The following COL4A6 variants were observed in gnomAD, a reference collection of about 807,000 sequenced individuals.
COL4A6 encodes collagen alpha-6(IV) chain.
COL4A6 carries 59 observed loss-of-function variants against 126.7 expected under a neutral mutation model. The observed-to-expected ratio is 0.47, with a 90% CI of 0.38 to 0.58. The LOEUF (loss-of-function observed/expected upper bound fraction) is 0.58, where lower values mean the gene tolerates loss of function less well. Ranked by LOEUF, COL4A6 falls within the 20% of genes least tolerant of loss-of-function variation. The pLI, the probability that COL4A6 is intolerant of heterozygous loss-of-function variation, is 0.00. For synonymous variants in COL4A6, 547 were observed against 496.6 expected, an observed-to-expected ratio of 1.10 and a Z score of -1.35; for missense variants, 1,285 against 1,337.3, an observed-to-expected ratio of 0.96 and a Z score of 0.61.
intron 3 of COL4A6, among the ~76,000 whole-genome samples, chrX:108,231,591 C>T (rs1411644933): frequency 9.0e-6 from 1 of 111,582 alleles, no homozygotes; most frequent in African/African-American, 3.3e-5. Context: ...AGGAACTTGC[C>T]TGAGATCACA....
chrX:108,240,153 G>T (rs1014922202), intron 3 of COL4A6, among the ~76,000 whole-genome samples: 1 of 111,502 alleles, frequency 9.0e-6, no homozygotes, highest in Non-Finnish European at 1.9e-5. Flanking sequence ...TGAGGCAAGA[G>T]AATCATTTGA....
intron 3 of COL4A6, among the ~76,000 whole-genome samples, chrX:108,292,993 C>CAAAAAAAAA (rs149076547): frequency 2.1e-4 from 3 of 14,553 alleles, no homozygotes; most frequent in South Asian, 0.02. Flanking sequence ...AGGAAAAAAG[C>CAAAAAAAAA]AAAAAAAAAA....
At chrX:108,159,351 T>C (rs1171285889) in intron 44 of COL4A6, 111 bp downstream of exon 44, 9 of 897,986 alleles carry the variant, frequency 1.0e-5, no homozygotes, top group Non-Finnish European at 3.1e-6. Context: ...AGTCCAAGCA[T>C]TTCTCTTCTT....
At chrX:108,394,444 GA>G (rs892474491) in intron 2 of COL4A6, among the ~76,000 whole-genome samples, 5 of 108,318 alleles carry the variant, frequency 4.6e-5, no homozygotes, top group African/African-American at 1.3e-4. Context: ...AAAAGAAAAA[GA>G]AAAAAAAAGT....
chrX:108,278,795 C>T (rs1229728550), intron 3 of COL4A6, among the ~76,000 whole-genome samples: 3 of 110,169 alleles, frequency 2.7e-5, no homozygotes, highest in African/African-American at 6.6e-5. Flanking sequence ...GCGGATCTCT[C>T]GGCAGAAACT....
intron 41 of COL4A6, among the ~76,000 whole-genome samples, chrX:108,162,147 C>T (rs959069739): frequency 9.0e-6 from 1 of 111,581 alleles, no homozygotes; most frequent in Non-Finnish European, 1.9e-5. Context: ...GTCAGGAGTT[C>T]GAGACCAGCC....
intron 2 of COL4A6, among the ~76,000 whole-genome samples, chrX:108,328,225 T>C (rs905969000): frequency 4.5e-5 from 5 of 111,168 alleles, no homozygotes; most frequent in African/African-American, 9.8e-5. Flanking sequence ...AGTGAAGTAA[T>C]AGATTGAGGT....
At chrX:108,436,194 A>C (rs1264306545) in intron 2 of COL4A6, among the ~76,000 whole-genome samples, 2 of 112,503 alleles carry the variant, frequency 1.8e-5, no homozygotes, top group Non-Finnish European at 3.8e-5. Flanking sequence ...TAAATAAGTC[A>C]AAAAATAAAG....
At chrX:108,277,271 G>A (rs942395510) in intron 3 of COL4A6, among the ~76,000 whole-genome samples, 1 of 111,721 alleles carries the variant, frequency 9.0e-6, no homozygotes, top group African/African-American at 3.3e-5. Context: ...CTGGAAAATC[G>A]GGTCACTCCC....
intron 3 of COL4A6, among the ~76,000 whole-genome samples, chrX:108,309,772 A>G (rs1483571503): frequency 3.9e-5 from 4 of 103,220 alleles, no homozygotes; most frequent in African/African-American, 1.4e-4. Flanking sequence ...GGAAGTTCTG[A>G]ACTCTGTAGG....
At chrX:108,300,606 A>G (rs1320557752) in intron 3 of COL4A6, among the ~76,000 whole-genome samples, 1 of 110,803 alleles carries the variant, frequency 9.0e-6, no homozygotes, top group Admixed American at 9.7e-5. Flanking sequence ...TTTTGTCATA[A>G]TATTTTTAAA....
intron 44 of COL4A6, among the ~76,000 whole-genome samples, chrX:108,158,665 C>T (rs996492207): frequency 4.5e-5 from 5 of 111,855 alleles, no homozygotes; most frequent in Non-Finnish European, 9.4e-5. Context: ...CAGGTAGGTA[C>T]GCTAATGTTG....
At position 108,156,009 on chromosome X, in the gene COL4A6, C is replaced by T. The variant is rs1030186794; in HGVS notation, c.*991G>A. The T allele has an allele frequency of 8.9e-6, 1 of 112,193 alleles. No homozygotes were observed. The highest frequency in any genetic ancestry group is 1.9e-5 in the Non-Finnish European group (1 of 53,296). 9.2% of individuals were successfully genotyped at this position (112,193 alleles called of 1,213,427 possible). ...CAATTGGATAACCATTTAACAAAGT[C>T]TTTAACATCCTCAGAATACAAGGAA... On this transcript the variant is annotated 3_prime_UTR_variant, in exon 45 of 45. Transcript: ENST00000334504.
chrX:108,225,306 C>T (rs1001033095), intron 3 of COL4A6, among the ~76,000 whole-genome samples: 1 of 112,503 alleles, frequency 8.9e-6, no homozygotes, highest in Non-Finnish European at 1.9e-5. Context: ...CTGATCATTT[C>T]ACAGAACCAA....
Position 108,341,747 on chromosome X carries a change from T to C in COL4A6, c.64-30919A>G, listed in dbSNP as rs759733084. On this transcript the variant is annotated intron_variant, in intron 2 of 44. Transcript: ENST00000334504. The stretch of plus-strand genomic sequence containing the variant: ...TTCCATCTGAAAAAATGGCAGTGAC[T>C]CTTGGGTCAGAAATGCATTTCCCTC... 1.4e-4 allele frequency among the ~76,000 whole-genome samples: 16 copies of C among 111,703 alleles called. No individual in the cohort carries two copies. In the East Asian group the frequency reaches 4.5e-3, roughly 32 times the overall value.
intron 2 of COL4A6, among the ~76,000 whole-genome samples, chrX:108,356,482 G>A (rs1386710569): frequency 9.0e-6 from 1 of 111,036 alleles, no homozygotes; most frequent in Non-Finnish European, 1.9e-5. Context: ...GGAAGATATG[G>A]GGCTAAACCA....
intron 41 of COL4A6, 104 bp downstream of exon 41, chrX:108,162,788 A>G: frequency 1.1e-6 from 1 of 883,716 alleles, no homozygotes; most frequent in Non-Finnish European, 1.5e-6. Context: ...AAGAGAGGCA[A>G]CGCTTGATGA....
chrX:108,211,813 A>G, intron 6 of COL4A6, 73 bp from the exon 7 acceptor site: 1 of 1,006,283 alleles, frequency 9.9e-7, no homozygotes, highest in Non-Finnish European at 1.4e-6. Flanking sequence ...ATCTGATCAG[A>G]TAGAGGATGG....
intron 2 of COL4A6, among the ~76,000 whole-genome samples, chrX:108,328,765 C>T (rs895813560): frequency 2.7e-5 from 3 of 111,729 alleles, no homozygotes; most frequent in African/African-American, 6.5e-5. Flanking sequence ...ATCTGTGATC[C>T]CAGATTTATT....
Sources: gnomAD v4.1 joint callset for allele counts (sites outside exome capture counted in the v4.1 genomes callset) on GRCh38, gnomAD v4.1.1 for gene constraint, MANE v1.5 for transcripts, NCBI Gene and HGNC (gene_info 2026-07-23, HGNC 2026-07-21) for gene names.